Variants in AGAP1 observed in about 807,000 individuals in gnomAD.
AGAP1 encodes arf-GAP with GTPase, ANK repeat and PH domain-containing protein 1.
A neutral mutation model predicts 105.3 loss-of-function variants in AGAP1; 29 were observed. The observed-to-expected ratio is 0.28, with a 90% CI of 0.21 to 0.38. The LOEUF is 0.38. Ranked by LOEUF, AGAP1 falls within the 10% of genes least tolerant of loss-of-function variation. AGAP1 has a pLI of 1.00. For missense variants in AGAP1, 998 were observed against 1,165.1 expected, an observed-to-expected ratio of 0.86 and a Z score of 2.09; for synonymous variants, 509 against 485.9, an observed-to-expected ratio of 1.05 and a Z score of -0.63.
intron 13 of AGAP1, among the ~76,000 whole-genome samples, chr2:236,016,772 T>C (rs369446500): frequency 1.9e-4 from 29 of 152,324 alleles, no homozygotes; most frequent in African/African-American, 7.0e-4. Context: ...CCTCTGTCAG[T>C]AGCTATGAAA....
intron 9 of AGAP1, among the ~76,000 whole-genome samples, chr2:235,834,531 C>A (rs1959884699): frequency 6.6e-6 from 1 of 152,202 alleles, no homozygotes; most frequent in African/African-American, 2.4e-5. Flanking sequence ...TGCAGCATAA[C>A]CCATAATTAT....
At chr2:235,897,288 C>T (rs2050852592) in intron 10 of AGAP1, among the ~76,000 whole-genome samples, 1 of 152,190 alleles carries the variant, frequency 6.6e-6, no homozygotes. Flanking sequence ...GATCCGCCCA[C>T]CTCGGCCTCC....
chr2:235,901,469 C>G lies in AGAP1; in HGVS notation c.1156-7269C>G, dbSNP rs1229484751. Among the ~76,000 whole-genome samples, 4 of 152,206 alleles carry G rather than the reference C, an allele frequency of 2.6e-5. No homozygotes were observed. Among genetic ancestry groups the G allele is most frequent in the African/African-American group, 9.7e-5 (4 of 41,448 alleles). ...TACAATATCTTTCCACAGTCCAACCCTTTGCTCCTCCCCGGTTGTGTACAT... is the reference window on the plus strand; with the variant it reads ...TACAATATCTTTCCACAGTCCAACCGTTTGCTCCTCCCCGGTTGTGTACAT... On this transcript the variant is annotated intron_variant, in intron 10 of 17. Coordinates refer to ENST00000304032, the MANE Select transcript of AGAP1 (RefSeq NM_001037131.3). The surrounding 1 kb of genome is among the most constrained non-coding windows in gnomAD (Gnocchi z 4.3).
rs1161287121 is a variant in AGAP1 at position 235,962,254 on chromosome 2, A to G, written c.1484-6208A>G. Among the ~76,000 whole-genome samples the G allele has an allele frequency of 6.6e-6, 1 of 152,060 alleles. No homozygotes were observed. Among genetic ancestry groups the G allele is most frequent in the African/African-American group, 2.4e-5 (1 of 41,420 alleles). ...GGCCACTGAGGGGTACACTGACCAC[A>G]CAGAGGAGGCCGGTGTGCATGGCAC... On this transcript the variant is annotated intron_variant, in intron 12 of 17. Transcript: ENST00000304032. The surrounding 1 kb of genome is among the most constrained non-coding windows in gnomAD (Gnocchi z 5.3).
rs1024623069 is a variant in AGAP1 at position 235,611,575 on chromosome 2, C to T, written c.164-97604C>T. Among the ~76,000 whole-genome samples, 20 of 152,210 alleles carry T rather than the reference C, an allele frequency of 1.3e-4. No individual in the cohort carries two copies. The highest frequency in any genetic ancestry group is 3.4e-3 in the Middle Eastern group (1 of 294). ...GGTGCCCAGGCCTGCAGATTACAGA[C>T]GCTGTGTAATTAGAGAATCCCTCTC... On this transcript the variant is annotated intron_variant, in intron 1 of 17. Transcript: ENST00000304032. The surrounding 1 kb of genome is among the most constrained non-coding windows in gnomAD (Gnocchi z 5.0).
At position 236,087,382 on chromosome 2, in the gene AGAP1, A is replaced by G. The variant is rs1402734481; in HGVS notation, c.2115-32810A>G. ...TCCAGGTCCCCGACAGCCCTGCTCC[A>G]AGGACAGACAACCTCGTCTTGCAGG... is the stretch of plus-strand genomic sequence containing the variant. On this transcript the variant is annotated intron_variant, in intron 16 of 17. Transcript: ENST00000304032. This position sits in a 1 kb window ranked among gnomAD's most constrained non-coding sequence, Gnocchi z 5.7. Among the ~76,000 whole-genome samples, 1 of 152,218 alleles carries G rather than the reference A, an allele frequency of 6.6e-6. No homozygotes were observed. Among genetic ancestry groups the G allele is most frequent in the Non-Finnish European group, 1.5e-5 (1 of 68,036 alleles).
At position 236,048,958 on chromosome 2, in the gene AGAP1, G is replaced by A. The variant is rs371596219; in HGVS notation, c.1892-101G>A. On this transcript the variant is annotated intron_variant, in intron 15 of 17. Transcript: ENST00000304032. Reference sequence around the variant, plus strand: ...TTCTCGCCATGGATGTGGTTCTGTCGTTGTGAAGTTTGACTGATTCGTCGC... The same window carrying A: ...TTCTCGCCATGGATGTGGTTCTGTCATTGTGAAGTTTGACTGATTCGTCGC... 5.0e-5 allele frequency: 57 copies of A among 1,148,754 alleles called. 1 individual carries two copies. Among genetic ancestry groups the A allele is most frequent in the Admixed American group, 2.0e-4 (10 of 50,722 alleles). 71.2% of individuals were successfully genotyped at this position (1,148,754 alleles called of 1,614,324 possible). A position where few individuals can be genotyped will look rare whatever the true frequency, so the allele number is the denominator to read the frequency against.
chr2:235,502,576 C>CT (rs1941608797), intron 1 of AGAP1, among the ~76,000 whole-genome samples: 3 of 151,840 alleles, frequency 2.0e-5, no homozygotes, highest in South Asian at 4.1e-4. Flanking sequence ...TGGGGATTGT[C>CT]TTTTTTTGGG....
Position 235,596,045 on chromosome 2 carries a change from C to T in AGAP1, c.163+101196C>T, listed in dbSNP as rs1056486205. ...TGCTCCTGGAAGTGGTTGTGAAAATCGCAGCCCTGTGAATTGTGTGCCCTA... is the reference window on the plus strand; with the variant it reads ...TGCTCCTGGAAGTGGTTGTGAAAATTGCAGCCCTGTGAATTGTGTGCCCTA... On this transcript the variant is annotated intron_variant, in intron 1 of 17. Transcript: ENST00000304032. The surrounding 1 kb of genome is among the most constrained non-coding windows in gnomAD (Gnocchi z 5.9). 2.6e-5 allele frequency among the ~76,000 whole-genome samples: 4 copies of T among 152,160 alleles called. No individual in the cohort carries two copies. The highest frequency in any genetic ancestry group is 2.1e-4 in the South Asian group (1 of 4,824).
intron 13 of AGAP1, among the ~76,000 whole-genome samples, chr2:235,969,249 T>C (rs2054535912): frequency 1.3e-5 from 2 of 151,954 alleles, no homozygotes; most frequent in Admixed American, 1.3e-4. Context: ...CTCCTTCAAA[T>C]GAATTCCCTT....
intron 3 of AGAP1, among the ~76,000 whole-genome samples, chr2:235,731,267 T>A (rs376578205): frequency 1.3e-5 from 2 of 152,198 alleles, no homozygotes; most frequent in East Asian, 3.9e-4. Context: ...TGGCTGAGTA[T>A]ACAGCAGATG....
intron 13 of AGAP1, among the ~76,000 whole-genome samples, chr2:235,985,044 G>A (rs2055254856): frequency 6.6e-6 from 1 of 152,122 alleles, no homozygotes. Context: ...TTCCGCAATG[G>A]TTGAACTAAT....
intron 6 of AGAP1, among the ~76,000 whole-genome samples, chr2:235,795,164 TCC>T (rs1559497501): frequency 7.2e-5 from 11 of 152,258 alleles, no homozygotes; most frequent in African/African-American, 2.6e-4. Flanking sequence ...ACCAAGCTTT[TCC>T]CTCTAGGAGA....
At position 235,599,844 on chromosome 2, in the gene AGAP1, G is replaced by A. The variant is rs745900250; in HGVS notation, c.163+104995G>A. 2.6e-5 allele frequency among the ~76,000 whole-genome samples: 4 copies of A among 152,302 alleles called. No individual in the cohort carries two copies. The highest frequency in any genetic ancestry group is 1.9e-4 in the East Asian group (1 of 5,176). On this transcript the variant is annotated intron_variant, in intron 1 of 17. Transcript: ENST00000304032. The surrounding 1 kb of genome is among the most constrained non-coding windows in gnomAD (Gnocchi z 5.3). The stretch of plus-strand genomic sequence containing the variant: ...CTGGGATGTGATGGCACGGTCAGTC[G>A]CCCCTGGTGGAGGCAATGCTGGTAC...
chr2:235,839,744 G>A (rs1053046704), intron 9 of AGAP1, among the ~76,000 whole-genome samples: 1 of 152,192 alleles, frequency 6.6e-6, no homozygotes, highest in Admixed American at 6.5e-5. Flanking sequence ...GAGGAAAGGG[G>A]CTCCTACGTG....
rs200415065 is a variant in AGAP1, at chr2:235,930,910, G to A, written c.1470G>A (p.Ser490=). The A allele has an allele frequency of 1.4e-5, 23 of 1,613,554 alleles. No individual in the cohort carries two copies. In the African/African-American group the frequency reaches 2.3e-4, roughly 16 times the overall value. The change falls in exon 12 of 18, where the codon TCG becomes TCA. Residue 490 remains serine, a synonymous_variant. Coordinates refer to ENST00000304032, the MANE Select transcript of AGAP1 (RefSeq NM_001037131.3). This position sits in a 1 kb window ranked among gnomAD's most constrained non-coding sequence, Gnocchi z 7.9. The part of the protein sequence containing the change: ...QWSEATVIAN[S]AISSDTGLGD... ...GTGAGGCTACGGTCATTGCAAACTC[G>A]GCCATCAGCAGTGGTAAGAGGGGGC...
At chr2:235,837,857 A>AG (rs1220136553) in intron 9 of AGAP1, among the ~76,000 whole-genome samples, 3 of 152,188 alleles carry the variant, frequency 2.0e-5, no homozygotes, top group Admixed American at 1.3e-4. Flanking sequence ...AGAATAGATA[A>AG]GGGAGTACAG....
Position 235,994,543 on chromosome 2 carries a change from G to A in AGAP1, c.1645+25920G>A. On this transcript the variant is annotated intron_variant, in intron 13 of 17. Coordinates refer to ENST00000304032, the MANE Select transcript of AGAP1 (RefSeq NM_001037131.3). The surrounding 1 kb of genome is among the most constrained non-coding windows in gnomAD (Gnocchi z 4.4). Reference sequence around the variant, plus strand: ...TCATCACTGTCATCGTCATAGTGGGGACACACTGAGAGGTTACTTTCTACC... The same window carrying A: ...TCATCACTGTCATCGTCATAGTGGGAACACACTGAGAGGTTACTTTCTACC... Among the ~76,000 whole-genome samples the A allele has an allele frequency of 6.6e-6, 1 of 152,212 alleles. No individual in the cohort carries two copies. Among genetic ancestry groups the A allele is most frequent in the Middle Eastern group, 3.4e-3 (1 of 294 alleles).
chr2:235,627,192 GTTTTT>G (rs36086999), intron 1 of AGAP1, among the ~76,000 whole-genome samples: 4 of 95,556 alleles, frequency 4.2e-5, no homozygotes, highest in African/African-American at 1.8e-4. Context: ...CTGTTTTGAG[GTTTTT>G]TTTTTTTTTT....
Sources: gnomAD v4.1 joint callset for allele counts (sites outside exome capture counted in the v4.1 genomes callset) on GRCh38, gnomAD v4.1.1 for gene constraint, Gnocchi (gnomAD v3.1) non-coding constraint, MANE v1.5 for transcripts, NCBI Gene and HGNC (gene_info 2026-07-23, HGNC 2026-07-21) for gene names.